Variants in TRPS1 observed in about 807,000 individuals in gnomAD.
TRPS1 encodes the protein zinc finger transcription factor Trps1.
A neutral mutation model predicts 101.2 loss-of-function variants in TRPS1; 6 were observed. The observed-to-expected ratio is 0.06, with a 90% CI of 0.03 to 0.12. TRPS1 has a LOEUF of 0.12. Among genes scored for constraint, TRPS1 ranks in the 10% least tolerant of loss-of-function variants. TRPS1 has a pLI of 1.00. For missense variants in TRPS1, 1,363 were observed against 1,567.0 expected, an observed-to-expected ratio of 0.87 and a Z score of 2.20; for synonymous variants, 578 against 589.8, an observed-to-expected ratio of 0.98 and a Z score of 0.29.
intron 5 of TRPS1, among the ~76,000 whole-genome samples, chr8:115,501,652 A>C (rs1029955435): frequency 4.6e-5 from 7 of 152,152 alleles, no homozygotes; most frequent in Non-Finnish European, 2.9e-5. Flanking sequence ...CCAAACAAAA[A>C]ACCCAGTTAC....
chr8:115,668,241 G>A (rs1035976995), intron 1 of TRPS1: 4 of 289,492 alleles, frequency 1.4e-5, no homozygotes, highest in South Asian at 6.9e-5. Flanking sequence ...GAGCAGAAGA[G>A]AAGAAAGAAA....
intron 5 of TRPS1, among the ~76,000 whole-genome samples, chr8:115,444,899 G>A (rs769894846): frequency 1.2e-4 from 19 of 152,064 alleles, no homozygotes; most frequent in Admixed American, 1.2e-3. Flanking sequence ...CCTTGCACTT[G>A]TGTCTTTGTT....
intron 5 of TRPS1, among the ~76,000 whole-genome samples, chr8:115,474,733 A>G (rs1165110797): frequency 1.3e-5 from 2 of 152,116 alleles, no homozygotes; most frequent in Non-Finnish European, 1.5e-5. Context: ...TATAAGGCAA[A>G]TTTCGGTTTC....
At chr8:115,625,816 G>C (rs1818493197) in intron 1 of TRPS1, among the ~76,000 whole-genome samples, 1 of 151,830 alleles carries the variant, frequency 6.6e-6, no homozygotes, top group Non-Finnish European at 1.5e-5. Context: ...GCAAGATCCT[G>C]TAATTGGACC....
intron 5 of TRPS1, among the ~76,000 whole-genome samples, chr8:115,535,524 CATATATAGCGCAT>C (rs1341412043): frequency 2.2e-4 from 32 of 147,760 alleles, no homozygotes; most frequent in South Asian, 4.2e-4. Context: ...ATATATAGCG[CATATATAGCGCAT>C]ATATATAGCG....
At chr8:115,455,392 A>G (rs1461708782) in intron 5 of TRPS1, among the ~76,000 whole-genome samples, 3 of 152,214 alleles carry the variant, frequency 2.0e-5, no homozygotes, top group Non-Finnish European at 4.4e-5. Context: ...TGAGTGCACG[A>G]TAATTTCTAG....
intron 5 of TRPS1, among the ~76,000 whole-genome samples, chr8:115,454,173 C>T (rs1813955700): frequency 6.6e-6 from 1 of 152,198 alleles, no homozygotes; most frequent in African/African-American, 2.4e-5. Flanking sequence ...CTGAGACATA[C>T]CTCACAGTAT....
chr8:115,544,884 A>G (rs1816534744), intron 5 of TRPS1, among the ~76,000 whole-genome samples: 1 of 85,802 alleles, frequency 1.2e-5, no homozygotes, highest in Non-Finnish European at 2.2e-5. Context: ...GGAAAGGACA[A>G]GAAAAAAAGC....
At chr8:115,505,429 T>C (rs1815417776) in intron 5 of TRPS1, among the ~76,000 whole-genome samples, 1 of 152,062 alleles carries the variant, frequency 6.6e-6, no homozygotes, top group East Asian at 1.9e-4. Context: ...GGAAAACCTA[T>C]GCGCTAAAAT....
Position 115,412,562 on chromosome 8 carries a change from G to A in TRPS1, c.*1461C>T, listed in dbSNP as rs1361851757. ...AAAATAAGTTTTTTTTTTCCTATTT[G>A]TTCTCCCAACTTCTTTAATGAAATA... On this transcript the variant is annotated 3_prime_UTR_variant, in exon 7 of 7. Coordinates refer to ENST00000395715, the MANE Select transcript of TRPS1 (RefSeq NM_014112.5). The A allele has an allele frequency of 6.6e-6, 1 of 150,794 alleles. No individual in the cohort carries two copies. The highest frequency in any genetic ancestry group is 2.4e-5 in the African/African-American group (1 of 40,932). 9.3% of individuals were successfully genotyped at this position (150,794 alleles called of 1,614,324 possible). A position where few individuals can be genotyped will look rare whatever the true frequency, so the allele number is the denominator to read the frequency against.
chr8:115,657,136 C>G, intron 1 of TRPS1, among the ~76,000 whole-genome samples: 1 of 152,216 alleles, frequency 6.6e-6, no homozygotes, highest in Non-Finnish European at 1.5e-5. Context: ...AAACAACTTT[C>G]GGCACTTAAA....
intron 5 of TRPS1, among the ~76,000 whole-genome samples, chr8:115,483,915 G>T (rs1659662155): frequency 6.6e-6 from 1 of 152,090 alleles, no homozygotes; most frequent in African/African-American, 2.4e-5. Flanking sequence ...TCTCCAGACA[G>T]GATACTACAG....
At chr8:115,450,728 T>TGAA (rs1332874322) in intron 5 of TRPS1, among the ~76,000 whole-genome samples, 1 of 152,092 alleles carries the variant, frequency 6.6e-6, no homozygotes, top group Non-Finnish European at 1.5e-5. Context: ...ACCCCAGCAG[T>TGAA]GAAAAGTGGT....
intron 5 of TRPS1, among the ~76,000 whole-genome samples, chr8:115,564,209 T>G (rs531377723): frequency 1.3e-5 from 2 of 152,116 alleles, no homozygotes; most frequent in Non-Finnish European, 2.9e-5. Flanking sequence ...GGGTACATTA[T>G]TAGATTTGCA....
At chr8:115,541,150 G>A (rs1816443022) in intron 5 of TRPS1, among the ~76,000 whole-genome samples, 1 of 152,178 alleles carries the variant, frequency 6.6e-6, no homozygotes, top group African/African-American at 2.4e-5. Flanking sequence ...TAGCAGAAGC[G>A]AATGTATGTT....
chr8:115,584,442 C>G (rs1817519746), intron 5 of TRPS1, among the ~76,000 whole-genome samples: 1 of 151,898 alleles, frequency 6.6e-6, no homozygotes, highest in South Asian at 2.1e-4. Flanking sequence ...TATAAACATG[C>G]ATTCTGTAGG....
chr8:115,588,871 G>A (rs1189878211), intron 4 of TRPS1, among the ~76,000 whole-genome samples: 1 of 152,198 alleles, frequency 6.6e-6, no homozygotes, highest in African/African-American at 2.4e-5. Context: ...ACACATTGGT[G>A]AATAAAAGAT....
At chr8:115,608,439 C>T (rs944400783) in intron 3 of TRPS1, among the ~76,000 whole-genome samples, 1 of 152,182 alleles carries the variant, frequency 6.6e-6, no homozygotes, top group African/African-American at 2.4e-5. Context: ...CTTCAAGATA[C>T]TTACATTGTA....
intron 5 of TRPS1, among the ~76,000 whole-genome samples, chr8:115,533,287 C>T (rs776877808): frequency 1.2e-4 from 19 of 152,196 alleles, no homozygotes; most frequent in Middle Eastern, 3.4e-3. Context: ...TCTGGTGAAT[C>T]AAGGTCAGTA....
Sources: gnomAD v4.1 joint callset for allele counts (sites outside exome capture counted in the v4.1 genomes callset) on GRCh38, gnomAD v4.1.1 for gene constraint, MANE v1.5 for transcripts, NCBI Gene and HGNC (gene_info 2026-07-23, HGNC 2026-07-21) for gene names.